Variants in TRAPPC11 observed in about 807,000 individuals in gnomAD.
The protein encoded by TRAPPC11 is foie gras homolog.
Under a neutral mutation model 151.2 loss-of-function variants are expected in TRAPPC11, and 104 were observed. The observed-to-expected ratio is 0.69, with a 90% CI of 0.59 to 0.81. The LOEUF (loss-of-function observed/expected upper bound fraction) is 0.81. Among genes scored for constraint, TRAPPC11 ranks in the 30% least tolerant of loss-of-function variants. TRAPPC11 has a pLI of 0.00. For synonymous variants in TRAPPC11, 456 were observed against 472.3 expected (o/e 0.97, Z 0.45); for missense variants, 1,230 against 1,349.6 (o/e 0.91, Z 1.39).
At chr4:183,673,237 C>T (rs1055763361) in intron 5 of TRAPPC11, among the ~76,000 whole-genome samples, 7 of 152,208 alleles carry the variant, frequency 4.6e-5, no homozygotes, top group African/African-American at 1.7e-4. Flanking sequence ...GGATTACAAG[C>T]GTGAGCACTG....
intron 1 of TRAPPC11, among the ~76,000 whole-genome samples, chr4:183,660,863 A>C (rs142239921): frequency 6.6e-6 from 1 of 151,964 alleles, no homozygotes; most frequent in Non-Finnish European, 1.5e-5. Flanking sequence ...ATAGGCACGC[A>C]TCACCATGCC....
At position 183,666,832 on chromosome 4, in the gene TRAPPC11, T is replaced by C. The variant is rs760407157; in HGVS notation, c.375-228T>C. On this transcript the variant is annotated intron_variant, in intron 3 of 29. Transcript: ENST00000334690. ...TACGTAAAAGTATACATTAATCTTTTGCTTTTAAGGAAGATTTTTAAGATT... is the reference window on the plus strand; with the variant it reads ...TACGTAAAAGTATACATTAATCTTTCGCTTTTAAGGAAGATTTTTAAGATT... The C allele has an allele frequency of 3.3e-4, 157 of 475,348 alleles. 1 individual carries two copies. Among genetic ancestry groups the C allele is most frequent in the Middle Eastern group, 5.6e-4 (1 of 1,780 alleles). 29.4% of individuals were successfully genotyped at this position (475,348 alleles called of 1,614,324 possible). A position where few individuals can be genotyped will look rare whatever the true frequency, so the allele number is the denominator to read the frequency against.
intron 18 of TRAPPC11, among the ~76,000 whole-genome samples, chr4:183,687,968 A>G (rs571476078): frequency 6.6e-6 from 1 of 152,288 alleles, no homozygotes; most frequent in African/African-American, 2.4e-5. Flanking sequence ...ATATATTTGA[A>G]GCATTATATA....
chr4:183,697,906 G>T, intron 25 of TRAPPC11, 71 bp downstream of exon 25: 1 of 1,417,854 alleles, frequency 7.1e-7, no homozygotes, highest in South Asian at 1.4e-5. Context: ...TGTATAAGCT[G>T]GCAATGGAAG....
intron 17 of TRAPPC11, among the ~76,000 whole-genome samples, chr4:183,686,193 A>G (rs1015217673): frequency 1.3e-5 from 2 of 152,092 alleles, no homozygotes; most frequent in African/African-American, 4.8e-5. Context: ...CTGGAGGGCA[A>G]TGCTGCGACC....
chr4:183,674,420 CAAAAAA>C (rs34161415), intron 5 of TRAPPC11, among the ~76,000 whole-genome samples: 2 of 40,000 alleles, frequency 5.0e-5, no homozygotes, highest in Admixed American at 2.5e-4. Flanking sequence ...GACCCTGTCT[CAAAAAA>C]AAAAAAAAAA....
At chr4:183,696,033 C>T (rs1221269318) in intron 23 of TRAPPC11, among the ~76,000 whole-genome samples, 1 of 152,110 alleles carries the variant, frequency 6.6e-6, no homozygotes, top group Non-Finnish European at 1.5e-5. Context: ...CCAAAACGTT[C>T]CAAAATCTTT....
chr4:183,661,975 G>C (rs1348646822), intron 1 of TRAPPC11, among the ~76,000 whole-genome samples: 2 of 151,590 alleles, frequency 1.3e-5, no homozygotes, highest in Admixed American at 1.3e-4. Context: ...ATGTTTCCCA[G>C]GCCAGTCTTG....
chr4:183,674,592 T>C, intron 5 of TRAPPC11, 121 bp from the exon 6 acceptor site: 3 of 521,570 alleles, frequency 5.8e-6, no homozygotes, highest in Non-Finnish European at 1.0e-5. Flanking sequence ...CTTTGTCTTA[T>C]TCATAATGTA....
At position 183,684,376 on chromosome 4, in the gene TRAPPC11, A is replaced by G. The variant is rs905256946; in HGVS notation, c.1421+17A>G. The G allele has an allele frequency of 1.2e-6, 2 of 1,603,376 alleles. No homozygotes were observed. Among genetic ancestry groups the G allele is most frequent in the African/African-American group, 1.3e-5 (1 of 74,634 alleles). ...AGCTTTGAAGTGAGTCCTGTTCACT[A>G]TTTACTTTTACAAGTATTTGGATTA... On this transcript the variant is annotated intron_variant, in intron 14 of 29. Transcript: ENST00000334690.
In TRAPPC11 at chr4:183,664,245, CT is replaced by C. The variant is rs201152069; in HGVS notation, c.204+183del. On this transcript the variant is annotated intron_variant, in intron 2 of 29. Transcript: ENST00000334690. Reference sequence around the variant, plus strand: ...ACTGCATGTATATTTAATAATAGTTCTTTTTTTTTAAACTCCAGAGGAATAA... The same window carrying C: ...ACTGCATGTATATTTAATAATAGTTCTTTTTTTTAAACTCCAGAGGAATAA... Among the ~76,000 whole-genome samples, 248 of 151,330 alleles carry C rather than the reference CT, an allele frequency of 1.6e-3. 1 individual carries two copies. The highest frequency in any genetic ancestry group is 3.4e-3 in the Middle Eastern group (1 of 292).
intron 29 of TRAPPC11, among the ~76,000 whole-genome samples, chr4:183,709,636 G>A (rs529803264): frequency 5.3e-5 from 8 of 152,220 alleles, no homozygotes; most frequent in African/African-American, 1.4e-4. Flanking sequence ...TTAGCCGGGC[G>A]TGGTGGCAGG....
intron 26 of TRAPPC11, among the ~76,000 whole-genome samples, 188 bp downstream of exon 26, chr4:183,701,996 T>C (rs902351327): frequency 1.3e-5 from 2 of 152,192 alleles, no homozygotes; most frequent in Admixed American, 6.5e-5. Context: ...TTGTGACTTA[T>C]ATGCTATTAA....
At chr4:183,685,491 CA>C in intron 17 of TRAPPC11, 88 bp downstream of exon 17, 1 of 1,441,900 alleles carries the variant, frequency 6.9e-7, no homozygotes, top group Non-Finnish European at 9.4e-7. Flanking sequence ...ATATAAAAGT[CA>C]AGAAAGAGTT....
intron 27 of TRAPPC11, 53 bp from the exon 28 acceptor site, chr4:183,706,754 T>C: frequency 6.3e-7 from 1 of 1,576,334 alleles, no homozygotes; most frequent in Non-Finnish European, 8.6e-7. Flanking sequence ...AACGAAGCCA[T>C]AAGTGGGGAG....
intron 2 of TRAPPC11, 48 bp downstream of exon 2, chr4:183,664,119 T>G: frequency 6.8e-7 from 1 of 1,459,908 alleles, no homozygotes; most frequent in Non-Finnish European, 9.5e-7. Context: ...TCTCTCTATG[T>G]GTGTGTGTGT....
At position 183,679,482 on chromosome 4, in the gene TRAPPC11, A is replaced by G; in HGVS notation, c.961A>G (p.Lys321Glu). The G allele has an allele frequency of 6.2e-7, 1 of 1,604,728 alleles. No homozygotes were observed. Among genetic ancestry groups the G allele is most frequent in the South Asian group, 1.1e-5 (1 of 88,974 alleles). The change falls in exon 9 of 30, where the codon AAA (lysine) becomes GAA (glutamate). Residue 321 changes from lysine (K) to glutamate (E), a missense_variant. Transcript: ENST00000334690. ...TTTTGAGCATGATGCATGGATGTCT[A>G]AACAGTATGTTTTACATTGTCCTTT... ...LSFEHDAWMS[K>E]QFQAFGDLFD...
intron 2 of TRAPPC11, among the ~76,000 whole-genome samples, chr4:183,665,091 CTTTTTTTTTTTTT>C (rs66913932): frequency 9.4e-6 from 1 of 106,450 alleles, no homozygotes; most frequent in Non-Finnish European, 1.8e-5. Context: ...TCTTTTCTTT[CTTTTTTTTTTTTT>C]TTTTTTTTGA....
chr4:183,689,532 T>G (rs1736146974), intron 18 of TRAPPC11, among the ~76,000 whole-genome samples: 1 of 152,090 alleles, frequency 6.6e-6, no homozygotes, highest in African/African-American at 2.4e-5. Context: ...TACCTGTTTT[T>G]CCTTACTGGA....
Sources: gnomAD v4.1 joint callset for allele counts (sites outside exome capture counted in the v4.1 genomes callset) on GRCh38, gnomAD v4.1.1 for gene constraint, MANE v1.5 for transcripts, NCBI Gene and HGNC (gene_info 2026-07-23, HGNC 2026-07-21) for gene names.